SUCLG2: variants seen among roughly 807,000 people sequenced by gnomAD.
SUCLG2 encodes succinate--CoA ligase [GDP-forming] subunit beta, mitochondrial.
SUCLG2 carries 42 observed loss-of-function variants against 47.9 expected under a neutral mutation model. That is an observed-to-expected ratio of 0.88 (90% confidence interval 0.69 to 1.14). SUCLG2 has a LOEUF of 1.14. Among genes scored for constraint, SUCLG2 ranks in the 50% most tolerant of loss-of-function variants. SUCLG2 has a pLI of 0.00. For synonymous variants in SUCLG2, 195 were observed against 197.3 expected (o/e 0.99, Z 0.10); for missense variants, 571 against 525.9 (o/e 1.09, Z -0.84).
chr3:67,457,684 C>CTTTTTT (rs71109889), intron 9 of SUCLG2, among the ~76,000 whole-genome samples: 61 of 65,496 alleles, frequency 9.3e-4, no homozygotes, highest in African/African-American at 1.5e-3. Flanking sequence ...ACAAAAGCAG[C>CTTTTTT]TTTTTTTTTT....
At chr3:67,580,749 A>C (rs2107257120) in intron 2 of SUCLG2, among the ~76,000 whole-genome samples, 1 of 152,344 alleles carries the variant, frequency 6.6e-6, no homozygotes, top group Middle Eastern at 3.4e-3. Flanking sequence ...AGTTGAGTTG[A>C]ATATTATAGA....
intron 10 of SUCLG2, among the ~76,000 whole-genome samples, chr3:67,377,575 G>A (rs969359907): frequency 6.6e-6 from 1 of 152,168 alleles, no homozygotes; most frequent in African/African-American, 2.4e-5. Context: ...CTTCACACTC[G>A]GTTTTCCTTG....
At chr3:67,529,343 A>G (rs1047891257) in intron 2 of SUCLG2, among the ~76,000 whole-genome samples, 157 bp from the exon 3 acceptor site, 1 of 152,216 alleles carries the variant, frequency 6.6e-6, no homozygotes, top group Admixed American at 6.5e-5. Context: ...ACTTCAAAAA[A>G]ACATCTATGA....
intron 10 of SUCLG2, among the ~76,000 whole-genome samples, chr3:67,368,592 CATTTT>C (rs1188427757): frequency 1.3e-5 from 2 of 151,832 alleles, no homozygotes; most frequent in African/African-American, 4.8e-5. Context: ...CTGGCATCTT[CATTTT>C]ATTTATTTAT....
chr3:67,377,200 G>C (rs772352274), intron 10 of SUCLG2, among the ~76,000 whole-genome samples: 2 of 152,164 alleles, frequency 1.3e-5, no homozygotes, highest in Admixed American at 1.3e-4. Context: ...TCACAGAGGC[G>C]GTAAGTGTCA....
chr3:67,483,364 A>G (rs1448559771), intron 9 of SUCLG2, among the ~76,000 whole-genome samples: 1 of 152,168 alleles, frequency 6.6e-6, no homozygotes, highest in Non-Finnish European at 1.5e-5. Context: ...CATTACCCAC[A>G]AACTCCAACT....
chr3:67,551,195 G>C (rs553516189), intron 2 of SUCLG2, among the ~76,000 whole-genome samples: 128 of 152,318 alleles, frequency 8.4e-4, no homozygotes, highest in African/African-American at 3.0e-3. Flanking sequence ...AAAAGGGTTA[G>C]ATGCCTTCAA....
chr3:67,483,592 G>A lies in SUCLG2; in HGVS notation c.1062+12206C>T, dbSNP rs112273049. Among the ~76,000 whole-genome samples the A allele has an allele frequency of 3.7e-3, 558 of 152,240 alleles. 3 individuals carry two copies. The highest frequency in any genetic ancestry group is 9.9e-3 in the Admixed American group (152 of 15,290). On this transcript the variant is annotated intron_variant, in intron 9 of 10. Coordinates refer to ENST00000307227, the MANE Select transcript of SUCLG2 (RefSeq NM_003848.4). ...ACGATTTTCTATCCTCTTTAAAATG[G>A]CACCTCCAGTGAACAAGACGAGATG...
intron 7 of SUCLG2, among the ~76,000 whole-genome samples, chr3:67,500,810 A>T (rs1705476274): frequency 6.6e-6 from 1 of 152,228 alleles, no homozygotes; most frequent in African/African-American, 2.4e-5. Context: ...AAGAGTTTCA[A>T]ATAAAGGAAT....
At chr3:67,453,234 A>G (rs1016288685) in intron 9 of SUCLG2, among the ~76,000 whole-genome samples, 18 of 140,322 alleles carry the variant, frequency 1.3e-4, no homozygotes, top group Admixed American at 1.1e-3. Flanking sequence ...TTTTTTTTTT[A>G]TGAGTATTTT....
At position 67,553,374 on chromosome 3, in the gene SUCLG2, A is replaced by C. The variant is rs761613096; in HGVS notation, c.227-24188T>G. On this transcript the variant is annotated intron_variant, in intron 2 of 10. Transcript: ENST00000307227. Reference sequence around the variant, plus strand: ...AAATATTTGCTTTAATAAAGTGACAAATGTTTAAAACTTCATCTTTTTTGT... The same window carrying C: ...AAATATTTGCTTTAATAAAGTGACACATGTTTAAAACTTCATCTTTTTTGT... Among the ~76,000 whole-genome samples, 80 of 152,332 alleles carry C rather than the reference A, an allele frequency of 5.3e-4. 1 individual carries two copies. Among genetic ancestry groups the C allele is most frequent in the Middle Eastern group, 3.4e-3 (1 of 294 alleles).
intron 9 of SUCLG2, among the ~76,000 whole-genome samples, chr3:67,489,473 C>T (rs1486740494): frequency 6.6e-6 from 1 of 152,158 alleles, no homozygotes; most frequent in Non-Finnish European, 1.5e-5. Context: ...ACTAGACTAT[C>T]AGGTCGACTA....
At chr3:67,431,995 G>A (rs1358040122) in intron 9 of SUCLG2, among the ~76,000 whole-genome samples, 1 of 152,184 alleles carries the variant, frequency 6.6e-6, no homozygotes, top group Non-Finnish European at 1.5e-5. Context: ...CTCTTTGGGT[G>A]GTACATTGAG....
intron 10 of SUCLG2, chr3:67,376,171 G>A: frequency 1.1e-6 from 1 of 916,952 alleles, no homozygotes; most frequent in Non-Finnish European, 1.3e-6. Flanking sequence ...CACACCAGAA[G>A]TCACTTGTCT....
intron 2 of SUCLG2, among the ~76,000 whole-genome samples, chr3:67,547,451 T>C (rs1003564121): frequency 6.6e-6 from 1 of 152,192 alleles, no homozygotes; most frequent in African/African-American, 2.4e-5. Context: ...AATACATCTA[T>C]AGAATTACCT....
intron 10 of SUCLG2, among the ~76,000 whole-genome samples, chr3:67,362,286 G>T (rs1389177489): frequency 6.6e-6 from 1 of 152,000 alleles, no homozygotes; most frequent in Non-Finnish European, 1.5e-5. Context: ...CCTCTGCCTG[G>T]AGCTGTCTCT....
chr3:67,543,661 T>C (rs1026213086), intron 2 of SUCLG2, among the ~76,000 whole-genome samples: 15 of 152,144 alleles, frequency 9.9e-5, no homozygotes, highest in Admixed American at 2.6e-4. Context: ...TGAGACCCTG[T>C]CTCAAAAACA....
In SUCLG2 at chr3:67,538,238, A is replaced by AT. The variant is rs553990282; in HGVS notation, c.227-9053dup. On this transcript the variant is annotated intron_variant, in intron 2 of 10. Transcript: ENST00000307227. ...TAAGTCTTTACTCCATCTTGAGTTA[A>AT]TTTTTGTGTAAGGCGTAAGGAAGGG... 3.8e-3 allele frequency among the ~76,000 whole-genome samples: 583 copies of AT among 152,216 alleles called. 3 individuals are homozygous for AT. The highest frequency in any genetic ancestry group is 0.013 in the African/African-American group (560 of 41,534).
chr3:67,595,050 G>A (rs1217221494), intron 2 of SUCLG2, among the ~76,000 whole-genome samples: 1 of 152,176 alleles, frequency 6.6e-6, no homozygotes, highest in African/African-American at 2.4e-5. Context: ...AATTTGTTTG[G>A]TGTGGTATGA....
Sources: gnomAD v4.1 joint callset for allele counts (sites outside exome capture counted in the v4.1 genomes callset) on GRCh38, gnomAD v4.1.1 for gene constraint, MANE v1.5 for transcripts, NCBI Gene and HGNC (gene_info 2026-07-23, HGNC 2026-07-21) for gene names.